The following KCNH1 variants were observed in gnomAD, a reference collection of about 807,000 sequenced individuals.
KCNH1 encodes voltage-gated delayed rectifier potassium channel KCNH1.
A neutral mutation model predicts 69.2 loss-of-function variants in KCNH1; 27 were observed. The observed-to-expected ratio is 0.39, with a 90% CI of 0.29 to 0.54. The LOEUF (loss-of-function observed/expected upper bound fraction) is 0.54. Ranked by LOEUF, KCNH1 falls within the 20% of genes least tolerant of loss-of-function variation. The probability of loss-of-function intolerance (pLI) is 0.68; values close to 1 mark genes in which losing one functional copy is unlikely to be tolerated. For missense variants in KCNH1, 798 were observed against 1,261.6 expected (o/e 0.63, Z 5.57); for synonymous variants, 456 against 487.7 (o/e 0.93, Z 0.86).
At chr1:210,903,113 C>CT (rs34248394) in intron 7 of KCNH1, among the ~76,000 whole-genome samples, 8 of 151,656 alleles carry the variant, frequency 5.3e-5, no homozygotes, top group East Asian at 1.9e-4. Context: ...TGCCATCTCT[C>CT]TTTTTTTTTC....
intron 6 of KCNH1, among the ~76,000 whole-genome samples, chr1:210,967,081 C>T (rs757220617): frequency 1.3e-5 from 2 of 150,412 alleles, no homozygotes; most frequent in Admixed American, 6.7e-5. Flanking sequence ...GAACAGGAAA[C>T]CACACACCAC....
intron 5 of KCNH1, among the ~76,000 whole-genome samples, chr1:211,066,910 C>T (rs1690540668): frequency 6.6e-6 from 1 of 152,178 alleles, no homozygotes; most frequent in African/African-American, 2.4e-5. Context: ...AGCTGGAATA[C>T]CCACCCCCCA....
chr1:210,750,277 C>T (rs1346346758), intron 10 of KCNH1, among the ~76,000 whole-genome samples: 2 of 152,096 alleles, frequency 1.3e-5, no homozygotes, highest in Non-Finnish European at 2.9e-5. Flanking sequence ...TGTGAAAGTG[C>T]CTTGTCCAAA....
At chr1:211,047,118 T>C (rs1464621245) in intron 5 of KCNH1, among the ~76,000 whole-genome samples, 1 of 152,218 alleles carries the variant, frequency 6.6e-6, no homozygotes, top group Non-Finnish European at 1.5e-5. Context: ...TGAAATCTGA[T>C]ATGCATTTCA....
chr1:211,059,768 A>AG (rs1363778362), intron 5 of KCNH1, among the ~76,000 whole-genome samples: 3 of 152,038 alleles, frequency 2.0e-5, no homozygotes, highest in African/African-American at 7.2e-5. Flanking sequence ...AGAGAGAGAG[A>AG]GAGAGAGAGA....
chr1:210,778,988 G>T (rs140738511), intron 9 of KCNH1, among the ~76,000 whole-genome samples: 1 of 152,122 alleles, frequency 6.6e-6, no homozygotes, highest in South Asian at 2.1e-4. Context: ...CAACTCTTCA[G>T]GGGCATATCT....
chr1:210,759,246 G>A (rs1025923932), intron 10 of KCNH1, among the ~76,000 whole-genome samples: 1 of 151,394 alleles, frequency 6.6e-6, no homozygotes, highest in Non-Finnish European at 1.5e-5. Flanking sequence ...AAGAAGCACT[G>A]CAATAAAAAA....
At chr1:210,769,213 C>T (rs1003203461) in intron 10 of KCNH1, among the ~76,000 whole-genome samples, 1 of 152,126 alleles carries the variant, frequency 6.6e-6, no homozygotes, top group Admixed American at 6.5e-5. Flanking sequence ...TTTATCTTTC[C>T]ATCTTATCAA....
chr1:211,105,312 G>A (rs1316130985), intron 2 of KCNH1, among the ~76,000 whole-genome samples: 5 of 152,172 alleles, frequency 3.3e-5, no homozygotes, highest in African/African-American at 4.8e-5. Flanking sequence ...TGAAGTGATG[G>A]TATATATGCA....
intron 10 of KCNH1, among the ~76,000 whole-genome samples, chr1:210,748,005 G>GT (rs943755803): frequency 2.0e-5 from 3 of 152,234 alleles, no homozygotes; most frequent in Admixed American, 6.5e-5. Context: ...CAATGCACGT[G>GT]TGTGTGTTCA....
chr1:211,082,928 G>T (rs780295327), intron 4 of KCNH1, 30 bp from the exon 5 acceptor site: 1 of 1,570,268 alleles, frequency 6.4e-7, no homozygotes, highest in African/African-American at 1.4e-5. Flanking sequence ...GAAAAGACAG[G>T]GTCAACCACA....
intron 3 of KCNH1, among the ~76,000 whole-genome samples, chr1:211,100,972 T>C (rs1468863639): frequency 6.6e-6 from 1 of 152,230 alleles, no homozygotes; most frequent in Non-Finnish European, 1.5e-5. Flanking sequence ...GAACTCTCAA[T>C]GCTCTCTCTC....
chr1:210,845,397 A>AT (rs1183641197), intron 7 of KCNH1, among the ~76,000 whole-genome samples: 1 of 152,172 alleles, frequency 6.6e-6, no homozygotes, highest in Non-Finnish European at 1.5e-5. Flanking sequence ...AGTGGGCTTC[A>AT]TCCCTGGGAT....
chr1:210,927,344 C>T (rs959431421), intron 6 of KCNH1, among the ~76,000 whole-genome samples: 1 of 152,168 alleles, frequency 6.6e-6, no homozygotes, highest in Admixed American at 6.5e-5. Flanking sequence ...GAAAATCTAT[C>T]AGATTAACAG....
chr1:210,776,724 G>A (rs184931367), intron 9 of KCNH1, among the ~76,000 whole-genome samples: 6 of 152,212 alleles, frequency 3.9e-5, no homozygotes, highest in African/African-American at 1.4e-4. Flanking sequence ...CCCAGACTAT[G>A]GTATTTTGTT....
chr1:211,078,917 CAAAAAAA>C lies in KCNH1; in HGVS notation c.558+3856_558+3862del, dbSNP rs769981174. ...TGGGTGACAGAGCGAGACTCCGTCT[CAAAAAAA>C]AAAAAAAAAAAAAGAAAGAAAGAAA... On this transcript the variant is annotated intron_variant, in intron 5 of 10. Transcript: ENST00000271751. Among the ~76,000 whole-genome samples, 3 of 83,060 alleles carry C rather than the reference CAAAAAAA, an allele frequency of 3.6e-5. 1 individual carries two copies. Among genetic ancestry groups the C allele is most frequent in the African/African-American group, 4.9e-5 (1 of 20,592 alleles). 54.5% of individuals were successfully genotyped at this position (83,060 alleles called of 152,430 possible).
At chr1:210,986,885 A>G (rs143235254) in intron 6 of KCNH1, among the ~76,000 whole-genome samples, 1 of 152,214 alleles carries the variant, frequency 6.6e-6, no homozygotes, top group Non-Finnish European at 1.5e-5. Flanking sequence ...GTGTTTTCCA[A>G]CTTGGTTCCA....
At chr1:210,798,623 T>C (rs775535117) in intron 8 of KCNH1, among the ~76,000 whole-genome samples, 3 of 152,104 alleles carry the variant, frequency 2.0e-5, no homozygotes, top group African/African-American at 4.8e-5. Context: ...AAGAAGATCA[T>C]TGAAGCTACA....
intron 7 of KCNH1, among the ~76,000 whole-genome samples, chr1:210,907,315 AAGCATGAAGTTTG>A (rs1195508235): frequency 6.6e-6 from 1 of 152,132 alleles, no homozygotes; most frequent in Non-Finnish European, 1.5e-5. Flanking sequence ...CTCTACTGGG[AAGCATGAAGTTTG>A]GTCCAAAAAG....
Sources: gnomAD v4.1 joint callset for allele counts (sites outside exome capture counted in the v4.1 genomes callset) on GRCh38, gnomAD v4.1.1 for gene constraint, MANE v1.5 for transcripts, NCBI Gene and HGNC (gene_info 2026-07-23, HGNC 2026-07-21) for gene names.